The following LSAMP variants were observed in gnomAD, a reference collection of about 807,000 sequenced individuals.
LSAMP encodes limbic system associated membrane protein, also known as limbic system-associated membrane protein.
In LSAMP, 7 loss-of-function variants were observed where a neutral mutation model predicts 38.6. The observed-to-expected ratio is 0.18, with a 90% CI of 0.10 to 0.34. The LOEUF is 0.34. Ranked by LOEUF, LSAMP falls within the 10% of genes least tolerant of loss-of-function variation. LSAMP has a pLI of 1.00. For missense variants in LSAMP, 313 were observed against 420.0 expected (o/e 0.75, Z 2.23); for synonymous variants, 154 against 166.8 (o/e 0.92, Z 0.59).
intron 2 of LSAMP, among the ~76,000 whole-genome samples, chr3:116,070,032 T>C (rs1055835278): frequency 1.3e-5 from 2 of 152,102 alleles, no homozygotes; most frequent in African/African-American, 2.4e-5. Flanking sequence ...GGAGATCAAG[T>C]TGACACAATC....
intron 1 of LSAMP, among the ~76,000 whole-genome samples, chr3:116,238,809 A>G (rs2046496428): frequency 1.3e-5 from 2 of 152,046 alleles, no homozygotes; most frequent in Non-Finnish European, 2.9e-5. Context: ...TGTCTTCAGC[A>G]GGAAATGTGC....
chr3:116,004,594 CTATA>C (rs1940103432), intron 3 of LSAMP, among the ~76,000 whole-genome samples: 1 of 149,794 alleles, frequency 6.7e-6, no homozygotes, highest in Non-Finnish European at 1.5e-5. Flanking sequence ...GGTTTGATGT[CTATA>C]TATACATGTA....
At chr3:116,016,523 T>C (rs1287609342) in intron 3 of LSAMP, among the ~76,000 whole-genome samples, 1 of 152,184 alleles carries the variant, frequency 6.6e-6, no homozygotes, top group African/African-American at 2.4e-5. Flanking sequence ...TACTTGGCCA[T>C]GGATGAGTGC....
At chr3:116,384,883 C>T (rs1395624914) in intron 1 of LSAMP, among the ~76,000 whole-genome samples, 1 of 152,096 alleles carries the variant, frequency 6.6e-6, no homozygotes, top group Non-Finnish European at 1.5e-5. Flanking sequence ...GGGCAAAGCT[C>T]TATGCTCCCT....
At chr3:116,078,338 T>A (rs192852111) in intron 2 of LSAMP, among the ~76,000 whole-genome samples, 116 of 151,762 alleles carry the variant, frequency 7.6e-4, no homozygotes, top group African/African-American at 2.5e-3. Flanking sequence ...TTATTTATTT[T>A]TTTTGAGAAG....
chr3:116,147,039 T>C (rs1356516163), intron 1 of LSAMP, among the ~76,000 whole-genome samples: 4 of 151,858 alleles, frequency 2.6e-5, no homozygotes, highest in Admixed American at 2.0e-4. Context: ...ATCATCATCT[T>C]CCTTAATTCT....
chr3:116,273,683 C>CAGATTATATATATAT (rs150705226), intron 1 of LSAMP, among the ~76,000 whole-genome samples: 3 of 50,528 alleles, frequency 5.9e-5, no homozygotes, highest in African/African-American at 3.8e-4. Flanking sequence ...GAGAAAGAGG[C>CAGATTATATATATAT]ATATATATAT....
At chr3:116,074,849 T>G (rs893220913) in intron 2 of LSAMP, among the ~76,000 whole-genome samples, 1 of 150,054 alleles carries the variant, frequency 6.7e-6, no homozygotes, top group African/African-American at 2.5e-5. Context: ...TTATTCTTTT[T>G]TTTTTTTTTT....
chr3:116,351,267 C>T (rs1370913172), intron 1 of LSAMP, among the ~76,000 whole-genome samples: 1 of 152,002 alleles, frequency 6.6e-6, no homozygotes, highest in South Asian at 2.1e-4. Context: ...GTTTAAATTT[C>T]TCTTTGTTTA....
intron 1 of LSAMP, among the ~76,000 whole-genome samples, chr3:116,216,150 T>A (rs2046216268): frequency 6.6e-6 from 1 of 152,192 alleles, no homozygotes; most frequent in African/African-American, 2.4e-5. Context: ...AAAACTAAGT[T>A]TAAGCCTCTT....
intron 1 of LSAMP, among the ~76,000 whole-genome samples, chr3:116,275,738 C>CTAG (rs1211808014): frequency 5.9e-5 from 9 of 152,122 alleles, no homozygotes; most frequent in Non-Finnish European, 1.3e-4. Context: ...AGGTTGTCTA[C>CTAG]ACTCCCCTTC....
intron 1 of LSAMP, among the ~76,000 whole-genome samples, chr3:116,325,521 G>C (rs892910198): frequency 1.3e-5 from 2 of 152,128 alleles, no homozygotes; most frequent in Non-Finnish European, 2.9e-5. Flanking sequence ...CTCAAAGTTT[G>C]AGATGAATTA....
chr3:116,055,954 G>A (rs893308971), intron 2 of LSAMP, among the ~76,000 whole-genome samples: 3 of 149,344 alleles, frequency 2.0e-5, no homozygotes, highest in African/African-American at 7.4e-5. Flanking sequence ...GATGGAAAAG[G>A]ATCCCTGCTT....
intron 1 of LSAMP, among the ~76,000 whole-genome samples, chr3:116,326,263 G>C (rs2047771027): frequency 6.6e-6 from 1 of 151,940 alleles, no homozygotes; most frequent in African/African-American, 2.4e-5. Context: ...GAAAAAAAAG[G>C]CAACTTTCAT....
chr3:116,318,202 T>C (rs2047659378), intron 1 of LSAMP, among the ~76,000 whole-genome samples: 1 of 151,980 alleles, frequency 6.6e-6, no homozygotes, highest in African/African-American at 2.4e-5. Context: ...TGGCAAAGTG[T>C]GTCATGTCTT....
chr3:115,824,288 A>G (rs1271835087), intron 6 of LSAMP, among the ~76,000 whole-genome samples: 1 of 152,202 alleles, frequency 6.6e-6, no homozygotes, highest in Non-Finnish European at 1.5e-5. Context: ...TAAAGAAGAA[A>G]CAGGTTTCTC....
At chr3:115,817,006 A>G (rs1312240821) in intron 6 of LSAMP, among the ~76,000 whole-genome samples, 8 of 152,168 alleles carry the variant, frequency 5.3e-5, no homozygotes, top group African/African-American at 1.9e-4. Flanking sequence ...ACCTCGTCCT[A>G]CCATTTTGCC....
At chr3:115,950,534 C>G (rs182189595) in intron 3 of LSAMP, among the ~76,000 whole-genome samples, 11 of 152,064 alleles carry the variant, frequency 7.2e-5, no homozygotes, top group Middle Eastern at 3.4e-3. Flanking sequence ...TGTACCTAAT[C>G]AAGAAGGTGA....
chr3:116,137,955 G>A (rs1709287270), intron 1 of LSAMP, among the ~76,000 whole-genome samples: 2 of 152,088 alleles, frequency 1.3e-5, no homozygotes, highest in South Asian at 4.1e-4. Flanking sequence ...TATGTTCAAA[G>A]GGCAAGAGCT....
Sources: allele counts gnomAD v4.1 joint callset (sites outside exome capture counted in the v4.1 genomes callset), GRCh38; gene constraint gnomAD v4.1.1; transcripts MANE v1.5; gene names NCBI Gene and HGNC (gene_info 2026-07-23, HGNC 2026-07-21).